PCDHA11: variants seen among roughly 807,000 people sequenced by gnomAD.
PCDHA11 encodes the protein protocadherin alpha-11.
Under a neutral mutation model 70.3 loss-of-function variants are expected in PCDHA11, and 61 were observed. The ratio of observed to expected loss-of-function variants is 0.87; its 90% CI spans 0.71 to 1.07. The LOEUF is 1.07. PCDHA11 is among the 50% of genes least tolerant of loss of function. The pLI is 0.00. For missense variants in PCDHA11, 1,324 were observed against 1,237.5 expected, an observed-to-expected ratio of 1.07 and a Z score of -1.05; for synonymous variants, 633 against 555.1, an observed-to-expected ratio of 1.14 and a Z score of -1.97.
At chr5:140,912,654 G>T (rs1411811349) in intron 1 of PCDHA11, among the ~76,000 whole-genome samples, 4 of 152,076 alleles carry the variant, frequency 2.6e-5, no homozygotes, top group Non-Finnish European at 5.9e-5. Flanking sequence ...GAATAGAAGT[G>T]GTGAAAATGG....
intron 3 of PCDHA11, among the ~76,000 whole-genome samples, chr5:140,999,721 G>T (rs2097872214): frequency 6.6e-6 from 1 of 152,150 alleles, no homozygotes; most frequent in South Asian, 2.1e-4. Flanking sequence ...ACGGAGACCA[G>T]CCATTCCAAT....
At chr5:140,877,614 G>A (rs2153354451) in intron 1 of PCDHA11, 3 of 1,613,850 alleles carry the variant, frequency 1.9e-6, no homozygotes, top group Middle Eastern at 3.3e-4. Context: ...TGGTGCTCAC[G>A]CTGCTGCTGT....
chr5:140,923,814 A>G (rs1554201602), intron 1 of PCDHA11, among the ~76,000 whole-genome samples: 1 of 152,250 alleles, frequency 6.6e-6, no homozygotes, highest in Non-Finnish European at 1.5e-5. Flanking sequence ...ATCTTCTGAA[A>G]ATAGACGTCA....
In PCDHA11 at chr5:140,906,570, T is replaced by C. The variant is rs371493282; in HGVS notation, c.2391+35076T>C. ...TGCAACTGGTTGTGTGGTTCATAGCTGGTATTGATGACTACCTTCCTCTAC... is the reference window on the plus strand; with the variant it reads ...TGCAACTGGTTGTGTGGTTCATAGCCGGTATTGATGACTACCTTCCTCTAC... On this transcript the variant is annotated intron_variant, in intron 1 of 3. Coordinates refer to ENST00000398640, the MANE Select transcript of PCDHA11 (RefSeq NM_018902.5). 1.7e-4 allele frequency among the ~76,000 whole-genome samples: 26 copies of C among 152,230 alleles called. No homozygotes were observed. In the East Asian group the frequency reaches 2.1e-3, roughly 12 times the overall value.
Position 140,870,892 on chromosome 5 carries a change from G to T in PCDHA11, c.1789G>T (p.Asp597Tyr). 4 of 1,613,960 alleles carry T rather than the reference G, an allele frequency of 2.5e-6. No homozygotes were observed. The highest frequency in any genetic ancestry group is 3.4e-6 in the Non-Finnish European group (4 of 1,179,906). The change falls in exon 1 of 4, where the codon GAT (aspartate) becomes TAT (tyrosine). Residue 597 changes from aspartate (D) to tyrosine (Y), a missense_variant. Physicochemically the swap from Asp to Tyr is radical, Grantham distance 160 (BLOSUM62 -3). Transcript: ENST00000398640. ...GHVVAKVRAV[D>Y]ADSGYNAWLS... is the part of the protein sequence containing the mutation. ...CGTGGTGGCGAAGGTGCGCGCAGTG[G>T]ATGCGGACTCAGGCTACAACGCGTG... is the stretch of plus-strand genomic sequence containing the variant.
intron 1 of PCDHA11, among the ~76,000 whole-genome samples, chr5:140,941,845 C>T (rs2093180727): frequency 6.6e-6 from 1 of 152,160 alleles, no homozygotes. Context: ...GCTGCCATTA[C>T]CTGATATTCC....
intron 3 of PCDHA11, among the ~76,000 whole-genome samples, chr5:141,006,751 G>A (rs1369409000): frequency 2.0e-5 from 3 of 152,166 alleles, no homozygotes; most frequent in Non-Finnish European, 4.4e-5. Flanking sequence ...ATTATAAATG[G>A]AGAATGAAGA....
intron 1 of PCDHA11, among the ~76,000 whole-genome samples, chr5:140,961,132 T>G (rs1186627628): frequency 6.6e-6 from 1 of 152,238 alleles, no homozygotes; most frequent in Admixed American, 6.5e-5. Context: ...GTCTTGGCAC[T>G]TAAGAGTTGG....
At chr5:140,909,312 A>AT (rs1365428416) in intron 1 of PCDHA11, among the ~76,000 whole-genome samples, 1 of 152,244 alleles carries the variant, frequency 6.6e-6, no homozygotes, top group Non-Finnish European at 1.5e-5. Context: ...AGAAAAAGGC[A>AT]TTTGCCAAAT....
intron 1 of PCDHA11, among the ~76,000 whole-genome samples, chr5:140,941,193 T>TC (rs1554213826): frequency 4.3e-5 from 5 of 116,722 alleles, no homozygotes; most frequent in African/African-American, 1.7e-4. Flanking sequence ...TTCTTTTTTT[T>TC]TCTTTCTTCC....
At chr5:140,883,690 C>T (rs1313254041) in intron 1 of PCDHA11, 1 of 1,613,870 alleles carries the variant, frequency 6.2e-7, no homozygotes, top group Non-Finnish European at 8.5e-7. Context: ...GCTGCCACAT[C>T]TTCACGGTGT....
chr5:140,923,189 C>T (rs1452451112), intron 1 of PCDHA11, among the ~76,000 whole-genome samples: 4 of 152,092 alleles, frequency 2.6e-5, no homozygotes, highest in Admixed American at 6.5e-5. Context: ...GCATCTACTG[C>T]AGCAATTTGG....
intron 1 of PCDHA11, among the ~76,000 whole-genome samples, chr5:140,961,617 C>T (rs781986571): frequency 2.0e-5 from 3 of 152,086 alleles, no homozygotes; most frequent in Non-Finnish European, 4.4e-5. Context: ...AACTAAAGTG[C>T]CCATATGAAA....
At chr5:140,918,640 G>C (rs2078789038) in intron 1 of PCDHA11, among the ~76,000 whole-genome samples, 1 of 152,132 alleles carries the variant, frequency 6.6e-6, no homozygotes, top group Admixed American at 6.5e-5. Flanking sequence ...TTCATAAATT[G>C]AAACCTAATT....
intron 1 of PCDHA11, chr5:140,876,955 G>T (rs782751017): frequency 1.3e-5 from 21 of 1,613,390 alleles, no homozygotes; most frequent in Non-Finnish European, 1.7e-5. Context: ...CTACTCGCTG[G>T]TGGAGCGGCG....
intron 1 of PCDHA11, chr5:140,927,266 C>T (rs1554204259): frequency 6.2e-7 from 1 of 1,614,146 alleles, no homozygotes. Flanking sequence ...CCTCTCTTTC[C>T]TGCCGGCGAC....
rs540975019 is a variant in PCDHA11, at chr5:140,869,668, A to G, written c.565A>G (p.Ile189Val). 1.2e-6 allele frequency: 2 copies of G among 1,613,544 alleles called. No homozygotes were observed. Among genetic ancestry groups the G allele is most frequent in the African/African-American group, 1.3e-5 (1 of 75,044 alleles). ...SLDSPTNGKQ[I>V]KRLSLILKKS... ...AGATTCACCAACAAATGGTAAGCAG[A>G]TTAAAAGACTGTCACTTATTTTAAA... The change falls in exon 1 of 4, where the codon ATT becomes GTT. Residue 189 changes from isoleucine to valine, a missense_variant. Physicochemically the swap from Ile to Val is conservative, Grantham distance 29. Coordinates refer to ENST00000398640, the MANE Select transcript of PCDHA11 (RefSeq NM_018902.5).
intron 1 of PCDHA11, among the ~76,000 whole-genome samples, chr5:140,932,642 T>G (rs2088501803): frequency 6.6e-6 from 1 of 151,860 alleles, no homozygotes. Context: ...AACTTTAGAA[T>G]GATGAAACTA....
In PCDHA11 at chr5:140,869,461, A is replaced by G. The variant is rs372195509; in HGVS notation, c.358A>G (p.Asn120Asp). Reference protein sequence around the residue: ...VDRPLQVFHVNVEVKDINDNP... With the variant: ...VDRPLQVFHVDVEVKDINDNP... ...CAGGCCGCTGCAGGTTTTCCATGTG[A>G]ACGTGGAGGTGAAGGACATTAACGA... Residue 120 changes from asparagine (N) to aspartate (D), a missense_variant, in exon 1 of 4, where the codon AAC becomes GAC. Transcript: ENST00000398640. 5.8e-5 allele frequency: 94 copies of G among 1,614,148 alleles called. No homozygotes were observed. In the African/African-American group the frequency reaches 7.9e-4, roughly 13 times the overall value.
Sources: allele counts gnomAD v4.1 joint callset (sites outside exome capture counted in the v4.1 genomes callset), GRCh38; gene constraint gnomAD v4.1.1; transcripts MANE v1.5; gene names NCBI Gene and HGNC (gene_info 2026-07-23, HGNC 2026-07-21).